RYR3: variants seen among roughly 807,000 people sequenced by gnomAD.
RYR3 encodes brain ryanodine receptor-calcium release channel.
A neutral mutation model predicts 584.3 loss-of-function variants in RYR3; 207 were observed. That is an observed-to-expected ratio of 0.35 (90% CI 0.32 to 0.40). The LOEUF (loss-of-function observed/expected upper bound fraction) is 0.40, where lower values mean the gene tolerates loss of function less well. RYR3 is among the 10% of genes least tolerant of loss of function. RYR3 has a pLI of 1.00. For missense variants in RYR3, 5,616 were observed against 6,089.2 expected (o/e 0.92, Z 2.59); for synonymous variants, 2,416 against 2,248.5 (o/e 1.07, Z -2.11).
At chr15:33,354,601 C>A (rs1334912362) in intron 1 of RYR3, among the ~76,000 whole-genome samples, 1 of 152,168 alleles carries the variant, frequency 6.6e-6, no homozygotes, top group East Asian at 1.9e-4. Context: ...TCTTTGCAAG[C>A]CTGCCCTGGA....
intron 64 of RYR3, among the ~76,000 whole-genome samples, 184 bp downstream of exon 64, chr15:33,773,799 A>G (rs1056240117): frequency 1.5e-4 from 23 of 152,238 alleles, no homozygotes; most frequent in Non-Finnish European, 2.4e-4. Flanking sequence ...TGATGAGGCT[A>G]TTGAGATTTA....
intron 103 of RYR3, 32 bp downstream of exon 103, chr15:33,864,221 G>A: frequency 6.4e-7 from 1 of 1,553,574 alleles, no homozygotes; most frequent in Non-Finnish European, 8.8e-7. Context: ...ACCCGTGTTA[G>A]ATCTCCCTTT....
At chr15:33,612,131 G>T (rs1005844302) in intron 18 of RYR3, among the ~76,000 whole-genome samples, 1 of 152,144 alleles carries the variant, frequency 6.6e-6, no homozygotes, top group Non-Finnish European at 1.5e-5. Context: ...GGGGTAGGTG[G>T]TTATAATTAT....
intron 1 of RYR3, among the ~76,000 whole-genome samples, chr15:33,396,565 T>G (rs2042310722): frequency 1.3e-5 from 2 of 152,202 alleles, no homozygotes; most frequent in South Asian, 4.1e-4. Context: ...AGATACTAGG[T>G]TGGTGCAAAG....
chr15:33,616,327 C>G (rs929921310), intron 19 of RYR3, among the ~76,000 whole-genome samples: 1 of 152,146 alleles, frequency 6.6e-6, no homozygotes, highest in East Asian at 1.9e-4. Flanking sequence ...CCGTCTCCCT[C>G]AGAACAGTGA....
intron 45 of RYR3, among the ~76,000 whole-genome samples, chr15:33,725,995 A>AC (rs1373212929): frequency 7.0e-5 from 10 of 143,828 alleles, no homozygotes; most frequent in African/African-American, 1.5e-4. Flanking sequence ...AAAAAAAAAA[A>AC]AACAGAATTC....
chr15:33,636,298 C>G, intron 26 of RYR3, 78 bp from the exon 27 acceptor site: 1 of 1,253,344 alleles, frequency 8.0e-7, no homozygotes, highest in Non-Finnish European at 1.2e-6. Context: ...TAGGAGATAT[C>G]GAAGATATGG....
chr15:33,529,637 T>C (rs1389542918), intron 3 of RYR3, among the ~76,000 whole-genome samples: 1 of 152,180 alleles, frequency 6.6e-6, no homozygotes, highest in Admixed American at 6.5e-5. Context: ...AGGGGAGGGC[T>C]TATGCTCAAA....
At chr15:33,489,028 G>A (rs760470871) in intron 2 of RYR3, among the ~76,000 whole-genome samples, 10 of 152,154 alleles carry the variant, frequency 6.6e-5, no homozygotes, top group Admixed American at 2.6e-4. Context: ...GTTTTGGGTA[G>A]TGATTCAAGA....
At chr15:33,857,645 C>T (rs185483554) in intron 98 of RYR3, 135 bp from the exon 99 acceptor site, 42 of 1,059,780 alleles carry the variant, frequency 4.0e-5, no homozygotes, top group East Asian at 3.6e-4. Context: ...CTTTCTTAGC[C>T]GCCCTCCACC....
At chr15:33,856,317 T>TGTG (rs1162415081) in intron 98 of RYR3, 2 of 152,242 alleles carry the variant, frequency 1.3e-5, no homozygotes, top group African/African-American at 4.8e-5. Context: ...ACTTACCCAC[T>TGTG]CCCTTTTGTG....
At chr15:33,684,989 A>ACATGC (rs1468326718) in intron 38 of RYR3, among the ~76,000 whole-genome samples, 1 of 152,232 alleles carries the variant, frequency 6.6e-6, no homozygotes, top group Non-Finnish European at 1.5e-5. Flanking sequence ...CACTGCAAAA[A>ACATGC]CATGCCAAAT....
intron 2 of RYR3, among the ~76,000 whole-genome samples, chr15:33,484,030 G>C (rs966999334): frequency 8.6e-5 from 13 of 152,018 alleles, no homozygotes; most frequent in African/African-American, 3.1e-4. Flanking sequence ...CCTTCAAATA[G>C]TTATTTATTT....
intron 1 of RYR3, among the ~76,000 whole-genome samples, chr15:33,312,402 G>A (rs1967463605): frequency 6.6e-6 from 1 of 151,930 alleles, no homozygotes; most frequent in East Asian, 1.9e-4. Context: ...AGTACCTATC[G>A]CCCTGCTGGT....
intron 102 of RYR3, among the ~76,000 whole-genome samples, chr15:33,863,587 C>G (rs1031245919): frequency 1.3e-5 from 2 of 152,144 alleles, no homozygotes; most frequent in African/African-American, 4.8e-5. Context: ...CACAGACAAA[C>G]TCAAACCTAA....
In RYR3 at chr15:33,631,220, G is replaced by A. The variant is rs762661553; in HGVS notation, c.2794G>A (p.Ala932Thr). Residue 932 changes from alanine (A) to threonine (T), a missense_variant, in exon 23 of 104, where the codon GCC (alanine) becomes ACC (threonine). Physicochemically the swap from Ala to Thr is moderately conservative, Grantham distance 58 (BLOSUM62 0). This residue lies in a region of RYR3 where 1,284 missense variants were observed against 1,344.6 expected (regional missense o/e 0.95). Transcript: ENST00000634891. ...MSTETLKTLL[A>T]LGCHIAHVNP... is the part of the protein sequence containing the mutation. ...TCTGTTGTGTCACAGAACCCTCTTG[G>A]CCCTGGGGTGCCACATTGCTCATGT... is the stretch of plus-strand genomic sequence containing the variant. 6.3e-6 allele frequency: 10 copies of A among 1,583,814 alleles called. No individual in the cohort carries two copies. The highest frequency in any genetic ancestry group is 8.6e-6 in the Non-Finnish European group (10 of 1,163,606).
At chr15:33,365,126 G>A (rs8038260) in intron 1 of RYR3, among the ~76,000 whole-genome samples, 1 of 152,186 alleles carries the variant, frequency 6.6e-6, no homozygotes, top group Admixed American at 6.5e-5. Context: ...AAAAATAATG[G>A]CCACACTAAG....
At chr15:33,598,246 C>CAAAAA (rs35785154) in intron 16 of RYR3, among the ~76,000 whole-genome samples, 7,891 of 73,946 alleles carry the variant, frequency 0.11, 799 homozygotes, top group East Asian at 0.54. Context: ...AAAAATTGCT[C>CAAAAA]AAAAAAAAAA....
intron 11 of RYR3, among the ~76,000 whole-genome samples, chr15:33,564,160 T>C (rs1399511285): frequency 6.6e-6 from 1 of 152,126 alleles, no homozygotes; most frequent in Non-Finnish European, 1.5e-5. Context: ...AAGAGTCAGA[T>C]TGGACATAGG....
Sources: allele counts gnomAD v4.1 joint callset (sites outside exome capture counted in the v4.1 genomes callset), GRCh38; gene constraint gnomAD v4.1.1; regional missense constraint gnomAD v4.1.1; transcripts MANE v1.5; gene names NCBI Gene and HGNC (gene_info 2026-07-23, HGNC 2026-07-21).